Variants in CAMK2A observed in about 807,000 individuals in gnomAD.
The protein encoded by CAMK2A is calcium/calmodulin-dependent protein kinase type II subunit alpha.
A neutral mutation model predicts 79.2 loss-of-function variants in CAMK2A; 7 were observed. The ratio of observed to expected loss-of-function variants is 0.09; its 90% CI spans 0.05 to 0.17. The LOEUF is 0.17. Ranked by LOEUF, CAMK2A falls within the 10% of genes least tolerant of loss-of-function variation. CAMK2A has a pLI of 1.00. For synonymous variants in CAMK2A, 242 were observed against 251.7 expected, an observed-to-expected ratio of 0.96 and a Z score of 0.36; for missense variants, 214 against 646.4, an observed-to-expected ratio of 0.33 and a Z score of 7.25.
intron 1 of CAMK2A, among the ~76,000 whole-genome samples, chr5:150,278,344 C>A (rs1200776028): frequency 1.3e-5 from 2 of 150,926 alleles, no homozygotes; most frequent in African/African-American, 2.4e-5. Context: ...AGTGAGTCGG[C>A]AGCCCTAACT....
chr5:150,244,762 G>C (rs1270747034), intron 13 of CAMK2A, among the ~76,000 whole-genome samples: 2 of 152,154 alleles, frequency 1.3e-5, no homozygotes, highest in African/African-American at 2.4e-5. Flanking sequence ...GCAGGGGCCC[G>C]ATCCAGCCCA....
chr5:150,263,489 ACT>A (rs982413009), intron 3 of CAMK2A, among the ~76,000 whole-genome samples: 4 of 148,876 alleles, frequency 2.7e-5, no homozygotes, highest in African/African-American at 5.1e-5. Flanking sequence ...TCTCACATAC[ACT>A]CACACACTCA....
At chr5:150,246,159 G>C (rs1489187406) in intron 12 of CAMK2A, among the ~76,000 whole-genome samples, 1 of 152,188 alleles carries the variant, frequency 6.6e-6, no homozygotes, top group Non-Finnish European at 1.5e-5. Context: ...GGGCTCTGAG[G>C]CATGGGGCTC....
chr5:150,255,250 A>G (rs1221526331), intron 6 of CAMK2A, among the ~76,000 whole-genome samples: 2 of 152,226 alleles, frequency 1.3e-5, no homozygotes, highest in Admixed American at 1.3e-4. Flanking sequence ...GTCTGGCTGG[A>G]GACCCTCTTG....
At chr5:150,278,917 G>T (rs1249888623) in intron 1 of CAMK2A, among the ~76,000 whole-genome samples, 1 of 152,130 alleles carries the variant, frequency 6.6e-6, no homozygotes. Flanking sequence ...CAGAATGTAG[G>T]CAGGGAGGGG....
chr5:150,222,368 A>AC lies in CAMK2A; in HGVS notation c.*341dup, dbSNP rs374563226. Reference sequence around the variant, plus strand: ...TCCTTCTCCCCAGCCCCTGGTGGGCACCAGCCCGGGCATTCTAGCCTACAG... The same window carrying AC: ...TCCTTCTCCCCAGCCCCTGGTGGGCACCCAGCCCGGGCATTCTAGCCTACAG... On this transcript the variant is annotated 3_prime_UTR_variant, in exon 19 of 19. Coordinates refer to ENST00000671881, the MANE Select transcript of CAMK2A (RefSeq NM_015981.4). 5.1e-6 allele frequency: 3 copies of AC among 590,274 alleles called. No individual in the cohort carries two copies. The highest frequency in any genetic ancestry group is 1.8e-5 in the South Asian group (1 of 54,132). 36.6% of individuals were successfully genotyped at this position (590,274 alleles called of 1,614,324 possible). A position where few individuals can be genotyped will look rare whatever the true frequency, so the allele number is the denominator to read the frequency against.
intron 14 of CAMK2A, 114 bp downstream of exon 14, chr5:150,239,590 C>A: frequency 1.1e-6 from 1 of 906,132 alleles, no homozygotes; most frequent in South Asian, 1.3e-5. Flanking sequence ...GTACCAAGCA[C>A]GCCCTGAGCA....
intron 6 of CAMK2A, 40 bp from the exon 7 acceptor site, chr5:150,253,586 C>A: frequency 1.3e-6 from 2 of 1,517,222 alleles, no homozygotes; most frequent in Non-Finnish European, 1.8e-6. Flanking sequence ...GGGAGGAAAG[C>A]GCCAAGAGAC....
At chr5:150,260,565 G>A (rs936766316) in intron 3 of CAMK2A, among the ~76,000 whole-genome samples, 15 of 152,142 alleles carry the variant, frequency 9.9e-5, no homozygotes, top group African/African-American at 3.6e-4. Flanking sequence ...TGGTAAGTTG[G>A]TGCATCCAAA....
Position 150,250,095 on chromosome 5 carries a change from G to A in CAMK2A, c.900+131C>T. On this transcript the variant is annotated intron_variant, in intron 11 of 18. Coordinates refer to ENST00000671881, the MANE Select transcript of CAMK2A (RefSeq NM_015981.4). ...CCAAGCCCAACCTGCTGTCCAGTAT[G>A]CAGTAGGTGTTCAATAAATGCTTAT... 4.4e-6 allele frequency: 3 copies of A among 680,440 alleles called. No homozygotes were observed. In the South Asian group the frequency reaches 5.2e-5, roughly 12 times the overall value. The allele number at this position is 680,440 out of a possible 1,614,324, so 42.2% of individuals were successfully genotyped here.
intron 1 of CAMK2A, among the ~76,000 whole-genome samples, chr5:150,287,963 G>C (rs1757496415): frequency 6.6e-6 from 1 of 151,768 alleles, no homozygotes; most frequent in African/African-American, 2.4e-5. Flanking sequence ...GTGTGTGTGT[G>C]TGTGTGTGTG....
chr5:150,252,420 G>T (rs542337921), intron 7 of CAMK2A, among the ~76,000 whole-genome samples: 1 of 152,264 alleles, frequency 6.6e-6, no homozygotes, highest in Admixed American at 6.5e-5. Context: ...ATCCATTGCT[G>T]GTGGCTTCAA....
intron 1 of CAMK2A, among the ~76,000 whole-genome samples, chr5:150,288,079 C>A (rs578252859): frequency 5.9e-5 from 9 of 152,106 alleles, no homozygotes; most frequent in Non-Finnish European, 1.2e-4. Context: ...CCCACATAAC[C>A]CTGTGAGCCC....
At chr5:150,250,391 T>A in intron 10 of CAMK2A, 82 bp from the exon 11 acceptor site, 2 of 1,151,166 alleles carry the variant, frequency 1.7e-6, no homozygotes, top group Non-Finnish European at 2.6e-6. Flanking sequence ...CAGCAGGGCA[T>A]CTTAATGGAG....
intron 2 of CAMK2A, among the ~76,000 whole-genome samples, chr5:150,268,425 C>T (rs372719833): frequency 5.9e-5 from 9 of 152,142 alleles, no homozygotes; most frequent in South Asian, 2.1e-4. Context: ...AGGCAGGCCC[C>T]GGCACAACGT....
intron 15 of CAMK2A, 107 bp downstream of exon 15, chr5:150,238,593 A>G: frequency 9.2e-7 from 1 of 1,088,486 alleles, no homozygotes; most frequent in Non-Finnish European, 1.4e-6. Flanking sequence ...CTCTCTGTAG[A>G]TGAGCAAGAA....
intron 1 of CAMK2A, among the ~76,000 whole-genome samples, chr5:150,275,275 T>A (rs1332432145): frequency 1.3e-5 from 2 of 152,052 alleles, no homozygotes; most frequent in East Asian, 3.9e-4. Flanking sequence ...CCTGAGACTC[T>A]CCCCTGCTAT....
In CAMK2A at chr5:150,220,029, G is replaced by C. The variant is rs1210983934; in HGVS notation, c.*2681C>G. 1 of 152,708 alleles carries C rather than the reference G, an allele frequency of 6.5e-6. No homozygotes were observed. Among genetic ancestry groups the C allele is most frequent in the Non-Finnish European group, 1.5e-5 (1 of 68,050 alleles). 9.5% of individuals were successfully genotyped at this position (152,708 alleles called of 1,614,324 possible). A position where few individuals can be genotyped will look rare whatever the true frequency, so the allele number is the denominator to read the frequency against. ...TGCCCTGTGGTGGCACCAGGTGGCT[G>C]CCCACCCACAGGCGTGGCCTTCACA... On this transcript the variant is annotated 3_prime_UTR_variant, in exon 19 of 19. Transcript: ENST00000671881.
chr5:150,239,301 A>C (rs1755235234), intron 14 of CAMK2A, among the ~76,000 whole-genome samples: 2 of 152,180 alleles, frequency 1.3e-5, no homozygotes, highest in Admixed American at 1.3e-4. Flanking sequence ...CACCAGCTCA[A>C]GAGGGGCCTC....
Sources: allele counts gnomAD v4.1 joint callset (sites outside exome capture counted in the v4.1 genomes callset), GRCh38; gene constraint gnomAD v4.1.1; transcripts MANE v1.5; gene names NCBI Gene and HGNC (gene_info 2026-07-23, HGNC 2026-07-21).